Variants in GALNT17 observed in about 807,000 individuals in gnomAD.
The protein encoded by GALNT17 is polypeptide N-acetylgalactosaminyltransferase 17, also known as UDP-GalNAc:polypeptide N-acetylgalactosaminyltransferase-like 3.
Under a neutral mutation model 63.7 loss-of-function variants are expected in GALNT17, and 29 were observed. The ratio of observed to expected loss-of-function variants is 0.46; its 90% CI spans 0.34 to 0.62. GALNT17 has a LOEUF of 0.62. Among genes scored for constraint, GALNT17 ranks in the 20% least tolerant of loss-of-function variants. The pLI is 0.01. For missense variants in GALNT17, 603 were observed against 799.6 expected (o/e 0.75, Z 2.97); for synonymous variants, 305 against 318.3 (o/e 0.96, Z 0.45).
At chr7:71,320,107 C>T (rs1562999516) in intron 1 of GALNT17, among the ~76,000 whole-genome samples, 1 of 152,154 alleles carries the variant, frequency 6.6e-6, no homozygotes, top group Non-Finnish European at 1.5e-5. Flanking sequence ...ACATTAGTGG[C>T]GTGAAGATGT....
chr7:71,278,276 A>G (rs1026589986), intron 1 of GALNT17, among the ~76,000 whole-genome samples: 8 of 152,176 alleles, frequency 5.3e-5, no homozygotes, highest in African/African-American at 1.9e-4. Context: ...GCAACCTTGT[A>G]TTAATTTGCC....
intron 5 of GALNT17, among the ~76,000 whole-genome samples, chr7:71,472,282 G>C (rs893970680): frequency 3.3e-5 from 5 of 152,166 alleles, no homozygotes; most frequent in Admixed American, 6.5e-5. Context: ...GGAGGTTAGG[G>C]TTTCAACATG....
At chr7:71,230,269 C>G (rs961791381) in intron 1 of GALNT17, among the ~76,000 whole-genome samples, 1 of 151,908 alleles carries the variant, frequency 6.6e-6, no homozygotes, top group Non-Finnish European at 1.5e-5. Context: ...AGAAAGCCAA[C>G]TAATAGCAGA....
At chr7:71,505,707 G>A (rs916424514) in intron 5 of GALNT17, among the ~76,000 whole-genome samples, 15 of 152,194 alleles carry the variant, frequency 9.9e-5, no homozygotes, top group African/African-American at 2.7e-4. Context: ...GCCATGTCCA[G>A]CTTCAGTGAT....
At chr7:71,400,592 A>T (rs562408391) in intron 3 of GALNT17, among the ~76,000 whole-genome samples, 1 of 152,334 alleles carries the variant, frequency 6.6e-6, no homozygotes, top group African/African-American at 2.4e-5. Context: ...TTATGAGTAA[A>T]TGTTTCTTTC....
At chr7:71,362,689 G>A (rs1046120869) in intron 2 of GALNT17, among the ~76,000 whole-genome samples, 4 of 152,108 alleles carry the variant, frequency 2.6e-5, no homozygotes, top group African/African-American at 7.2e-5. Context: ...ATTTTTCTTG[G>A]CAAAAGTGCC....
chr7:71,372,941 T>C (rs982361102), intron 2 of GALNT17, among the ~76,000 whole-genome samples: 1 of 152,166 alleles, frequency 6.6e-6, no homozygotes, highest in Non-Finnish European at 1.5e-5. Flanking sequence ...TTAAGGAAAC[T>C]GAGGCCCAAA....
At position 71,669,992 on chromosome 7, in the gene GALNT17, T is replaced by A. The variant is rs773488316; in HGVS notation, c.1287T>A (p.Gly429=). The change falls in exon 8 of 11, where the codon GGT becomes GGA. Residue 429 remains glycine, a synonymous_variant. Transcript: ENST00000333538. ...TTCAGAATCCGGGAATTGACATCGG[T>A]GATGTCTCCGAAAGAAGAGCATTAA... ...LPLENPGIDI[G]DVSERRALRK... is the part of the protein sequence containing the mutation. The A allele has an allele frequency of 1.9e-6, 3 of 1,613,990 alleles. No individual in the cohort carries two copies. In the Admixed American group the frequency reaches 5.0e-5, roughly 27 times the overall value.
intron 1 of GALNT17, among the ~76,000 whole-genome samples, chr7:71,248,635 C>T (rs1790143051): frequency 6.6e-6 from 1 of 151,916 alleles, no homozygotes; most frequent in African/African-American, 2.4e-5. Context: ...TCCTTTAAGT[C>T]AGATCCTAGC....
At chr7:71,278,132 C>G (rs181599972) in intron 1 of GALNT17, among the ~76,000 whole-genome samples, 1 of 152,192 alleles carries the variant, frequency 6.6e-6, no homozygotes, top group East Asian at 1.9e-4. Flanking sequence ...AAAGAGGTCA[C>G]TGTGTGTCAG....
intron 5 of GALNT17, among the ~76,000 whole-genome samples, chr7:71,518,448 C>A (rs1198403279): frequency 6.6e-6 from 1 of 152,186 alleles, no homozygotes; most frequent in Non-Finnish European, 1.5e-5. Context: ...TCAGTATGTG[C>A]TATGCTTTGA....
chr7:71,665,353 A>C (rs1302422513), intron 6 of GALNT17, 58 bp from the exon 7 acceptor site: 1 of 1,526,338 alleles, frequency 6.6e-7, no homozygotes, highest in East Asian at 2.3e-5. Context: ...GGGCTTGGGG[A>C]GGGGGCATAG....
chr7:71,549,951 A>G (rs1789048683), intron 5 of GALNT17, among the ~76,000 whole-genome samples: 1 of 151,192 alleles, frequency 6.6e-6, no homozygotes, highest in Non-Finnish European at 1.5e-5. Context: ...TTCAACCTAA[A>G]ACCGTCTCCT....
intron 6 of GALNT17, among the ~76,000 whole-genome samples, chr7:71,634,753 CAAAAA>C (rs35015537): frequency 9.1e-6 from 1 of 110,222 alleles, no homozygotes; most frequent in Admixed American, 9.1e-5. Context: ...GACTCCATCT[CAAAAA>C]AAAAAAAAAA....
intron 2 of GALNT17, among the ~76,000 whole-genome samples, chr7:71,338,200 G>A (rs1319771646): frequency 2.0e-5 from 3 of 151,394 alleles, no homozygotes; most frequent in African/African-American, 4.8e-5. Flanking sequence ...GGTGGCGGGC[G>A]CCTGTAGTCC....
intron 5 of GALNT17, among the ~76,000 whole-genome samples, chr7:71,463,637 C>A (rs1290648815): frequency 6.6e-6 from 1 of 152,120 alleles, no homozygotes; most frequent in African/African-American, 2.4e-5. Flanking sequence ...TATGCTAAAC[C>A]AGGGGTGAAT....
At chr7:71,259,092 C>T (rs1449666648) in intron 1 of GALNT17, among the ~76,000 whole-genome samples, 4 of 152,070 alleles carry the variant, frequency 2.6e-5, no homozygotes, top group East Asian at 1.9e-4. Context: ...CCCACTGGAG[C>T]GGGGAGACCT....
intron 1 of GALNT17, among the ~76,000 whole-genome samples, chr7:71,222,237 A>G (rs557607811): frequency 5.3e-5 from 8 of 151,856 alleles, no homozygotes; most frequent in Non-Finnish European, 1.0e-4. Flanking sequence ...TTTCCCAGTA[A>G]TGTGCCTTAT....
intron 5 of GALNT17, among the ~76,000 whole-genome samples, chr7:71,536,152 C>T (rs978471043): frequency 3.3e-5 from 5 of 152,186 alleles, no homozygotes; most frequent in East Asian, 3.8e-4. Context: ...TTATCTACTT[C>T]GGTGACTGCT....
Sources: allele counts gnomAD v4.1 joint callset (sites outside exome capture counted in the v4.1 genomes callset), GRCh38; gene constraint gnomAD v4.1.1; transcripts MANE v1.5; gene names NCBI Gene and HGNC (gene_info 2026-07-23, HGNC 2026-07-21).